The following RXFP1 variants were observed in gnomAD, a reference collection of about 807,000 sequenced individuals.
RXFP1 encodes the protein relaxin receptor 1.
RXFP1 carries 73 observed loss-of-function variants against 89.8 expected under a neutral mutation model. The ratio of observed to expected loss-of-function variants is 0.81; its 90% CI spans 0.67 to 0.99. The LOEUF (loss-of-function observed/expected upper bound fraction) is 0.99. Ranked by LOEUF, RXFP1 falls within the 50% of genes least tolerant of loss-of-function variation. The pLI is 0.00. For synonymous variants in RXFP1, 277 were observed against 305.5 expected, an observed-to-expected ratio of 0.91 and a Z score of 0.97; for missense variants, 793 against 895.5, an observed-to-expected ratio of 0.89 and a Z score of 1.46.
Position 158,628,663 on chromosome 4 carries a change from C to A in RXFP1, c.853C>A (p.His285Asn). Residue 285 changes from histidine (H) to asparagine (N), a missense_variant, in exon 11 of 18, where the codon CAC becomes AAC. His to Asn is a moderately conservative substitution (Grantham distance 68). Transcript: ENST00000307765. Reference sequence around the variant, plus strand: ...AGTGATGAGGAAAAACAAAATTAATCACTTAAATGAAAATACTTTTGCACC... The same window carrying A: ...AGTGATGAGGAAAAACAAAATTAATAACTTAAATGAAAATACTTTTGCACC... ...VLVMRKNKIN[H>N]LNENTFAPLQ... The A allele has an allele frequency of 6.4e-7, 1 of 1,572,124 alleles. No individual in the cohort carries two copies. The highest frequency in any genetic ancestry group is 1.1e-5 in the South Asian group (1 of 89,104).
intron 1 of RXFP1, among the ~76,000 whole-genome samples, chr4:158,557,497 ATTTG>A (rs903625748): frequency 2.1e-4 from 32 of 152,178 alleles, no homozygotes; most frequent in African/African-American, 7.7e-4. Context: ...GTATGAGTGT[ATTTG>A]TTTGTTTGGA....
intron 1 of RXFP1, chr4:158,543,890 A>G: frequency 5.1e-6 from 5 of 985,448 alleles, no homozygotes; most frequent in Non-Finnish European, 6.0e-6. Flanking sequence ...TTATTGGCAC[A>G]TTCAAGAATA....
chr4:158,541,350 G>GCACACACACACATA lies in RXFP1; in HGVS notation c.49+19337_49+19338insTACACACACACACA, dbSNP rs1553993589. 1.1e-4 allele frequency among the ~76,000 whole-genome samples: 15 copies of GCACACACACACATA among 139,794 alleles called. No individual in the cohort carries two copies. In the Admixed American group the frequency reaches 1.1e-3, roughly 10 times the overall value. 91.7% of individuals were successfully genotyped at this position (139,794 alleles called of 152,430 possible). A position where few individuals can be genotyped will look rare whatever the true frequency, so the allele number is the denominator to read the frequency against. ...ACCCAGAATTCTCAGAGAGCTTCATGCACACACACACACACACACACACAC... is the reference window on the plus strand; with the variant it reads ...ACCCAGAATTCTCAGAGAGCTTCATGCACACACACACATACACACACACACACACACACACACAC... On this transcript the variant is annotated intron_variant, in intron 1 of 17. Coordinates refer to ENST00000307765, the MANE Select transcript of RXFP1 (RefSeq NM_021634.4).
rs763254163 is a variant in RXFP1, at chr4:158,607,927, A to G, written c.465-45A>G. 6.0e-6 allele frequency: 8 copies of G among 1,334,762 alleles called. No homozygotes were observed. In the South Asian group the frequency reaches 8.5e-5, roughly 14 times the overall value. The allele number at this position is 1,334,762 out of a possible 1,614,324, so 82.7% of individuals were successfully genotyped here. ...GAATTCTTTTTGTCTTGCAAAAGTGAAACTCTGCTTCATTTTTTTTTCTTT... is the reference window on the plus strand; with the variant it reads ...GAATTCTTTTTGTCTTGCAAAAGTGGAACTCTGCTTCATTTTTTTTTCTTT... On this transcript the variant is annotated intron_variant, in intron 5 of 17. Coordinates refer to ENST00000307765, the MANE Select transcript of RXFP1 (RefSeq NM_021634.4).
chr4:158,529,639 T>C (rs1320695395), intron 1 of RXFP1, among the ~76,000 whole-genome samples: 1 of 152,190 alleles, frequency 6.6e-6, no homozygotes, highest in Non-Finnish European at 1.5e-5. Flanking sequence ...TAGTGCCAAA[T>C]GGACTCCCTG....
At chr4:158,643,654 G>T (rs1166107038) in intron 14 of RXFP1, among the ~76,000 whole-genome samples, 1 of 151,702 alleles carries the variant, frequency 6.6e-6, no homozygotes, top group Non-Finnish European at 1.5e-5. Context: ...TGTATTTTTA[G>T]TAGAGACGGG....
chr4:158,596,508 C>A (rs1760641828), intron 3 of RXFP1, among the ~76,000 whole-genome samples: 1 of 152,156 alleles, frequency 6.6e-6, no homozygotes, highest in Non-Finnish European at 1.5e-5. Flanking sequence ...GATCCACCCG[C>A]CTCAGCCTCC....
At chr4:158,631,650 G>T (rs2150204557) in intron 11 of RXFP1, among the ~76,000 whole-genome samples, 1 of 152,298 alleles carries the variant, frequency 6.6e-6, no homozygotes. Context: ...AGTCTAGAAG[G>T]ATGAATATGA....
intron 2 of RXFP1, among the ~76,000 whole-genome samples, chr4:158,579,811 A>G (rs1049747963): frequency 6.6e-6 from 1 of 152,256 alleles, no homozygotes; most frequent in African/African-American, 2.4e-5. Flanking sequence ...AACCTCCTAA[A>G]GATGATTTTG....
chr4:158,633,860 A>G (rs1485237163), intron 12 of RXFP1, among the ~76,000 whole-genome samples: 6 of 152,242 alleles, frequency 3.9e-5, no homozygotes, highest in African/African-American at 1.4e-4. Context: ...GCAGAAATGA[A>G]TTTCCTTCCT....
chr4:158,575,114 C>T (rs543774366), intron 2 of RXFP1, among the ~76,000 whole-genome samples: 11 of 152,156 alleles, frequency 7.2e-5, no homozygotes, highest in African/African-American at 2.6e-4. Context: ...AATGTAGCTT[C>T]TCAGTGGAAA....
chr4:158,636,036 A>G (rs1174655734), intron 12 of RXFP1, among the ~76,000 whole-genome samples: 1 of 152,030 alleles, frequency 6.6e-6, no homozygotes, highest in Non-Finnish European at 1.5e-5. Flanking sequence ...GTTTCCTTTA[A>G]TCAATGATTC....
chr4:158,650,179 A>G (rs545869285), intron 17 of RXFP1, among the ~76,000 whole-genome samples: 11 of 152,290 alleles, frequency 7.2e-5, no homozygotes, highest in African/African-American at 2.6e-4. Flanking sequence ...GACGTTTCTG[A>G]TATAGTTAGA....
At chr4:158,641,445 T>A (rs185155038) in intron 14 of RXFP1, among the ~76,000 whole-genome samples, 1 of 152,252 alleles carries the variant, frequency 6.6e-6, no homozygotes, top group East Asian at 1.9e-4. Flanking sequence ...GAAGAGTGAT[T>A]GAGTGCTGGG....
At chr4:158,644,041 C>CTTTTTTTTTTTTTTTTT in intron 14 of RXFP1, among the ~76,000 whole-genome samples, 1 of 78,310 alleles carries the variant, frequency 1.3e-5, no homozygotes, top group Non-Finnish European at 2.6e-5. Context: ...TCTATGTCTT[C>CTTTTTTTTTTTTTTTTT]TTTTTTTTTT....
At position 158,647,007 on chromosome 4, in the gene RXFP1, T is replaced by C. The variant is rs1771691833; in HGVS notation, c.1562T>C (p.Val521Ala). 6.2e-7 allele frequency: 1 copy of C among 1,613,842 alleles called. No individual in the cohort carries two copies. Among genetic ancestry groups the C allele is most frequent in the South Asian group, 1.1e-5 (1 of 91,072 alleles). Residue 521 changes from valine to alanine, a missense_variant, in exon 16 of 18, where the codon GTG (valine) becomes GCG (alanine). Coordinates refer to ENST00000307765, the MANE Select transcript of RXFP1 (RefSeq NM_021634.4). Reference sequence around the variant, plus strand: ...TGCATTGTCTATCCTTTTAGATGTGTGAGACCTGGAAAATGCAGAACAATT... The same window carrying C: ...TGCATTGTCTATCCTTTTAGATGTGCGAGACCTGGAAAATGCAGAACAATT... ...YICIVYPFRC[V>A]RPGKCRTITV...
At chr4:158,535,407 A>C in intron 1 of RXFP1, among the ~76,000 whole-genome samples, 1 of 152,240 alleles carries the variant, frequency 6.6e-6, no homozygotes, top group East Asian at 1.9e-4. Context: ...AAATGTGAGA[A>C]ACTGAAAGCA....
rs144806495 is a variant in RXFP1 at position 158,592,487 on chromosome 4, T to A, written c.188-914T>A. Reference sequence around the variant, plus strand: ...TACTCGGGAGGCTGAGGCAGGAGAATCACTTGAGCCTAGGACACAGAGGTT... The same window carrying A: ...TACTCGGGAGGCTGAGGCAGGAGAAACACTTGAGCCTAGGACACAGAGGTT... On this transcript the variant is annotated intron_variant, in intron 2 of 17. Transcript: ENST00000307765. Among the ~76,000 whole-genome samples the A allele has an allele frequency of 3.4e-3, 521 of 152,214 alleles. 4 individuals carry two copies. The highest frequency in any genetic ancestry group is 0.012 in the African/African-American group (490 of 41,524).
intron 11 of RXFP1, among the ~76,000 whole-genome samples, chr4:158,632,319 C>T (rs530839625): frequency 7.2e-5 from 11 of 152,140 alleles, no homozygotes; most frequent in African/African-American, 2.2e-4. Context: ...AATTGTCCTA[C>T]CCTTCGAGGT....
Sources: allele counts gnomAD v4.1 joint callset (sites outside exome capture counted in the v4.1 genomes callset), GRCh38; gene constraint gnomAD v4.1.1; transcripts MANE v1.5; gene names NCBI Gene and HGNC (gene_info 2026-07-23, HGNC 2026-07-21).